LONP1: variants seen among roughly 807,000 people sequenced by gnomAD.
The protein encoded by LONP1 is lon peptidase 1, mitochondrial, also known as lon protease homolog, mitochondrial.
In LONP1, 31 loss-of-function variants were observed where a neutral mutation model predicts 98.5. The ratio of observed to expected loss-of-function variants is 0.31; its 90% CI spans 0.24 to 0.42. LONP1 has a LOEUF of 0.42. Among genes scored for constraint, LONP1 ranks in the 20% least tolerant of loss-of-function variants. LONP1 has a pLI of 1.00. For missense variants in LONP1, 1,336 were observed against 1,350.6 expected, an observed-to-expected ratio of 0.99 and a Z score of 0.17; for synonymous variants, 781 against 594.7, an observed-to-expected ratio of 1.31 and a Z score of -4.56.
Position 5,692,066 on chromosome 19 carries a change from T to G in LONP1, c.2846A>C (p.Asp949Ala), listed in dbSNP as rs755068009. The G allele has an allele frequency of 6.8e-6, 11 of 1,609,980 alleles. No homozygotes were observed. Among genetic ancestry groups the G allele is most frequent in the Non-Finnish European group, 9.3e-6 (11 of 1,177,430 alleles). ...YREIFDIAFP[D>A]EQAEALAVER ...CACGGCCAGCGCCTCTGCCTGCTCG[T>G]CCGGGAAGGCGATGTCGAAGATCTC... is the stretch of plus-strand genomic sequence containing the variant. The change falls in exon 18 of 18, where the codon GAC becomes GCC. Residue 949 changes from aspartate to alanine, a missense_variant. Physicochemically the swap from Asp to Ala is moderately radical, Grantham distance 126. Coordinates refer to ENST00000360614, the MANE Select transcript of LONP1 (RefSeq NM_004793.4).
intron 7 of LONP1, 138 bp from the exon 8 acceptor site, chr19:5,706,130 G>A (rs2055141814): frequency 1.6e-6 from 1 of 630,760 alleles, no homozygotes; most frequent in African/African-American, 1.8e-5. Flanking sequence ...GAAGCCTTTG[G>A]TTCCTTCCAT....
intron 14 of LONP1, 69 bp downstream of exon 14, chr19:5,694,692 A>T: frequency 1.3e-6 from 2 of 1,557,326 alleles, no homozygotes; most frequent in Non-Finnish European, 8.8e-7. Flanking sequence ...TGGGCATGGA[A>T]AGGTGGGGTG....
chr19:5,719,213 T>G (rs1447637273), intron 1 of LONP1, among the ~76,000 whole-genome samples: 2 of 152,168 alleles, frequency 1.3e-5, no homozygotes, highest in Non-Finnish European at 2.9e-5. Context: ...GAAATTTTTG[T>G]CTGTTTTGTT....
At chr19:5,718,113 T>C (rs1445233442) in intron 1 of LONP1, among the ~76,000 whole-genome samples, 2 of 152,084 alleles carry the variant, frequency 1.3e-5, no homozygotes, top group African/African-American at 2.4e-5. Flanking sequence ...CTGAAGGTTA[T>C]GGAGCTAGGA....
intron 1 of LONP1, among the ~76,000 whole-genome samples, chr19:5,716,907 C>A (rs1243017587): frequency 6.6e-6 from 1 of 152,156 alleles, no homozygotes; most frequent in Non-Finnish European, 1.5e-5. Flanking sequence ...CATTCTCCTG[C>A]CTCAGCCTCC....
intron 10 of LONP1, among the ~76,000 whole-genome samples, chr19:5,697,684 A>C (rs1050817253): frequency 6.6e-6 from 1 of 151,406 alleles, no homozygotes; most frequent in African/African-American, 2.4e-5. Flanking sequence ...AGCCCTGGAG[A>C]GCTGGGGGCA....
intron 17 of LONP1, 83 bp from the exon 18 acceptor site, chr19:5,692,291 C>T: frequency 7.2e-7 from 1 of 1,388,786 alleles, no homozygotes; most frequent in South Asian, 1.4e-5. Context: ...AAAGGGCTTC[C>T]TGGGGACCGG....
intron 11 of LONP1, 144 bp from the exon 12 acceptor site, chr19:5,696,515 G>C (rs2054932018): frequency 2.3e-6 from 3 of 1,317,992 alleles, no homozygotes; most frequent in Non-Finnish European, 3.1e-6. Context: ...TGCTGGGCGT[G>C]GCTGTGGGTG....
intron 3 of LONP1, 62 bp from the exon 4 acceptor site, chr19:5,712,064 G>A (rs2055248134): frequency 1.4e-6 from 2 of 1,396,486 alleles, no homozygotes; most frequent in Non-Finnish European, 9.8e-7. Flanking sequence ...ACCCGGCTGA[G>A]GCCTCCCTGG....
At chr19:5,716,785 A>C (rs1221465519) in intron 1 of LONP1, among the ~76,000 whole-genome samples, 1 of 152,136 alleles carries the variant, frequency 6.6e-6, no homozygotes, top group African/African-American at 2.4e-5. Flanking sequence ...AGCACACCTG[A>C]ACAAAGGAGG....
At chr19:5,692,231 C>T in intron 17 of LONP1, 23 bp from the exon 18 acceptor site, 1 of 1,597,078 alleles carries the variant, frequency 6.3e-7, no homozygotes. Flanking sequence ...TCAGGGTCAG[C>T]CCTGCCTGGG....
chr19:5,700,520 G>A (rs938653102), intron 9 of LONP1, among the ~76,000 whole-genome samples: 1 of 152,142 alleles, frequency 6.6e-6, no homozygotes, highest in African/African-American at 2.4e-5. Context: ...GGGCTCAAGT[G>A]ATCCTCCCGC....
chr19:5,708,644 C>T (rs2055187088), intron 4 of LONP1: 1 of 513,164 alleles, frequency 1.9e-6, no homozygotes, highest in Admixed American at 3.3e-5. Context: ...CTCCTTACCC[C>T]TCAGAGCCTT....
rs1280519584 is a variant in LONP1, at chr19:5,697,159, C to T, written c.1686-402G>A. Among the ~76,000 whole-genome samples, 11 of 152,126 alleles carry T rather than the reference C, an allele frequency of 7.2e-5. No individual in the cohort carries two copies. The South Asian group carries it at 2.1e-3, about 29-fold the overall frequency. ...CTCTCAGGAGGGCTTCCTGCAAGCTCTGTGCTCTGCCCCAGCACAGGGGCC... is the reference window on the plus strand; with the variant it reads ...CTCTCAGGAGGGCTTCCTGCAAGCTTTGTGCTCTGCCCCAGCACAGGGGCC... On this transcript the variant is annotated intron_variant, in intron 10 of 17. Coordinates refer to ENST00000360614, the MANE Select transcript of LONP1 (RefSeq NM_004793.4).
chr19:5,720,087 A>G lies in LONP1; in HGVS notation c.46T>C (p.Cys16Arg). 6.7e-7 allele frequency: 1 copy of G among 1,488,176 alleles called. No individual in the cohort carries two copies. Among genetic ancestry groups the G allele is most frequent in the Non-Finnish European group, 8.9e-7 (1 of 1,129,118 alleles). The allele number at this position is 1,488,176 out of a possible 1,614,324, so 92.2% of individuals were successfully genotyped here. ...AGCATCGGCCGCCGCAGCACCCAGCACCGCGCCGCTCCCCACAGTCGCACG... is the reference window on the plus strand; with the variant it reads ...AGCATCGGCCGCCGCAGCACCCAGCGCCGCGCCGCTCCCCACAGTCGCACG... Reference protein sequence around the residue: ...GYVRLWGAARCWVLRRPMLAA... With the variant: ...GYVRLWGAARRWVLRRPMLAA... Residue 16 changes from cysteine to arginine, a missense_variant, in exon 1 of 18, where the codon TGC becomes CGC. By Grantham distance (180) the Cys-to-Arg change is radical. This residue lies in a region of LONP1 where 457 missense variants were observed against 403.1 expected (regional missense o/e 1.13). Coordinates refer to ENST00000360614, the MANE Select transcript of LONP1 (RefSeq NM_004793.4).
At chr19:5,716,919 G>C (rs892660429) in intron 1 of LONP1, among the ~76,000 whole-genome samples, 1 of 151,922 alleles carries the variant, frequency 6.6e-6, no homozygotes, top group African/African-American at 2.4e-5. Context: ...TCAGCCTCCC[G>C]AGTAGCTGGG....
At position 5,719,787 on chromosome 19, in the gene LONP1, T is replaced by C. The variant is rs1678187859; in HGVS notation, c.346A>G (p.Thr116Ala). The C allele has an allele frequency of 6.2e-7, 1 of 1,613,114 alleles. No individual in the cohort carries two copies. Among genetic ancestry groups the C allele is most frequent in the Non-Finnish European group, 8.5e-7 (1 of 1,179,920 alleles). The change falls in exon 1 of 18, where the codon ACG becomes GCG. Residue 116 changes from threonine (T) to alanine (A), a missense_variant. Around this residue, in one of 5 missense-constraint regions of LONP1, gnomAD observed 457 missense variants for 403.1 expected, o/e 1.13. Transcript: ENST00000360614. Reference sequence around the variant, plus strand: ...AGGTGCGGAAACACATCGGGGATCGTCATGGGCGTGAGCGCCGTTATGACC... The same window carrying C: ...AGGTGCGGAAACACATCGGGGATCGCCATGGGCGTGAGCGCCGTTATGACC... ...GPVITALTPM[T>A]IPDVFPHLPL...
At chr19:5,697,508 G>C (rs191430603) in intron 10 of LONP1, among the ~76,000 whole-genome samples, 2 of 146,382 alleles carry the variant, frequency 1.4e-5, no homozygotes, top group Non-Finnish European at 3.0e-5. Context: ...GAGGGAGGAG[G>C]GGGGGAGAGA....
chr19:5,694,451 G>T lies in LONP1; in HGVS notation c.2256C>A (p.Thr752=), dbSNP rs371040522. 3.7e-6 allele frequency: 6 copies of T among 1,613,334 alleles called. No homozygotes were observed. The African/African-American group carries it at 5.3e-5, about 14-fold the overall frequency. The change falls in exon 15 of 18, where the codon ACC becomes ACA. Residue 752 remains threonine, a synonymous_variant. Coordinates refer to ENST00000360614, the MANE Select transcript of LONP1 (RefSeq NM_004793.4). ...GTGTCACGTCATACATGCGCTCCAC[G>T]GTGAACACGGGCTTCCCCACGAAGT... ...LQDFVGKPVF[T]VERMYDVTPP...
Sources: gnomAD v4.1 joint callset for allele counts (sites outside exome capture counted in the v4.1 genomes callset) on GRCh38, gnomAD v4.1.1 for gene constraint, gnomAD v4.1.1 regional missense constraint, MANE v1.5 for transcripts, NCBI Gene and HGNC (gene_info 2026-07-23, HGNC 2026-07-21) for gene names.